LRRTM4: variants seen among roughly 807,000 people sequenced by gnomAD.
LRRTM4 encodes the protein leucine rich repeat transmembrane neuronal 4.
Under a neutral mutation model 47.6 loss-of-function variants are expected in LRRTM4, and 25 were observed. The ratio of observed to expected loss-of-function variants is 0.53; its 90% CI spans 0.38 to 0.73. LRRTM4 has a LOEUF of 0.73. LRRTM4 is among the 30% of genes least tolerant of loss of function. The pLI is 0.00. For synonymous variants in LRRTM4, 311 were observed against 269.5 expected, an observed-to-expected ratio of 1.15 and a Z score of -1.51; for missense variants, 638 against 713.4, an observed-to-expected ratio of 0.89 and a Z score of 1.20.
intron 3 of LRRTM4, among the ~76,000 whole-genome samples, chr2:76,900,215 C>A (rs938996335): frequency 1.3e-5 from 2 of 152,020 alleles, no homozygotes; most frequent in African/African-American, 4.8e-5. Flanking sequence ...GTCTAGGTGA[C>A]AGAGCAAGAC....
intron 3 of LRRTM4, among the ~76,000 whole-genome samples, chr2:76,844,711 T>A (rs1671789334): frequency 6.6e-6 from 1 of 152,178 alleles, no homozygotes. Flanking sequence ...TGTCTGTTAA[T>A]CCCCTCTTCT....
rs187078192 is a variant in LRRTM4, at chr2:76,774,004, A to G, written c.1552-25088T>C. 6.9e-3 allele frequency among the ~76,000 whole-genome samples: 1,046 copies of G among 152,230 alleles called. 14 individuals carry two copies. Among genetic ancestry groups the G allele is most frequent in the African/African-American group, 0.024 (1,014 of 41,540 alleles). On this transcript the variant is annotated intron_variant, in intron 3 of 3. Transcript: ENST00000409884. The stretch of plus-strand genomic sequence containing the variant: ...TAGCGGATCTTTGAACAATGTGCGG[A>G]TGAAAGACACCACAGTCAAAATCCA...
At chr2:77,140,558 G>GCCT (rs768066140) in intron 3 of LRRTM4, among the ~76,000 whole-genome samples, 51,904 of 150,266 alleles carry the variant, frequency 0.35, 9,275 homozygotes, top group African/African-American at 0.51. Context: ...TCAGGACATA[G>GCCT]GCATGGGCAA....
chr2:76,861,689 A>G (rs1672317157), intron 3 of LRRTM4, among the ~76,000 whole-genome samples: 1 of 152,180 alleles, frequency 6.6e-6, no homozygotes, highest in Non-Finnish European at 1.5e-5. Context: ...TTTTCTTTTT[A>G]GGAATCTTAA....
At chr2:77,077,698 G>A (rs953136080) in intron 3 of LRRTM4, among the ~76,000 whole-genome samples, 3 of 152,072 alleles carry the variant, frequency 2.0e-5, no homozygotes, top group Non-Finnish European at 4.4e-5. Context: ...TGGAGAATGG[G>A]AATAACTAGC....
chr2:77,175,693 T>G (rs1380831133), intron 3 of LRRTM4, among the ~76,000 whole-genome samples: 1 of 152,134 alleles, frequency 6.6e-6, no homozygotes, highest in African/African-American at 2.4e-5. Context: ...CTTTGCAGCC[T>G]CCACCATCAT....
chr2:77,444,519 G>T (rs1431128551), intron 3 of LRRTM4, among the ~76,000 whole-genome samples: 1 of 152,026 alleles, frequency 6.6e-6, no homozygotes, highest in African/African-American at 2.4e-5. Flanking sequence ...GATAGAAGAA[G>T]ATATGGTAGA....
At chr2:77,080,911 T>C (rs1680508997) in intron 3 of LRRTM4, among the ~76,000 whole-genome samples, 1 of 152,116 alleles carries the variant, frequency 6.6e-6, no homozygotes, top group Non-Finnish European at 1.5e-5. Context: ...CAGGAAACAC[T>C]CTCCAGCTTC....
At chr2:77,238,014 T>C (rs1310099775) in intron 3 of LRRTM4, among the ~76,000 whole-genome samples, 1 of 151,930 alleles carries the variant, frequency 6.6e-6, no homozygotes, top group Non-Finnish European at 1.5e-5. Context: ...TGAAGACAGG[T>C]AGGTCAAAAG....
intron 3 of LRRTM4, among the ~76,000 whole-genome samples, chr2:77,175,074 C>CTTTTTTTTTTTTTTTT (rs34057321): frequency 7.2e-6 from 1 of 138,398 alleles, no homozygotes; most frequent in Admixed American, 7.3e-5. Context: ...TTTCTTTTTT[C>CTTTTTTTTTTTTTTTT]TTTTTTTTTT....
At chr2:77,326,117 C>A (rs193123129) in intron 3 of LRRTM4, among the ~76,000 whole-genome samples, 1 of 152,298 alleles carries the variant, frequency 6.6e-6, no homozygotes, top group African/African-American at 2.4e-5. Context: ...TTCCAACAAA[C>A]AGATCTTACT....
intron 3 of LRRTM4, among the ~76,000 whole-genome samples, chr2:76,911,921 T>C (rs1388678603): frequency 8.8e-6 from 1 of 113,974 alleles, no homozygotes; most frequent in East Asian, 2.9e-4. Flanking sequence ...GAGTGAGTTG[T>C]GGTATGTGCT....
chr2:76,857,228 A>C (rs1033905878), intron 3 of LRRTM4, among the ~76,000 whole-genome samples: 1 of 150,750 alleles, frequency 6.6e-6, no homozygotes, highest in African/African-American at 2.4e-5. Flanking sequence ...ATGGATAATA[A>C]AGATATTTTC....
At chr2:76,850,087 C>A (rs1367682796) in intron 3 of LRRTM4, among the ~76,000 whole-genome samples, 1 of 152,056 alleles carries the variant, frequency 6.6e-6, no homozygotes, top group Non-Finnish European at 1.5e-5. Flanking sequence ...CCATTTTAGA[C>A]CTTTCTCAAA....
chr2:77,115,588 T>C (rs116791898), intron 3 of LRRTM4, among the ~76,000 whole-genome samples: 3,100 of 152,288 alleles, frequency 0.02, 105 homozygotes, highest in African/African-American at 0.063. Context: ...TCGGGGTCCC[T>C]GACTTCCCTC....
chr2:77,126,051 G>T (rs948997765), intron 3 of LRRTM4, among the ~76,000 whole-genome samples: 2 of 151,586 alleles, frequency 1.3e-5, no homozygotes, highest in African/African-American at 4.8e-5. Flanking sequence ...TAGGGTAGAA[G>T]TGAAATAAAT....
At chr2:77,249,891 A>G (rs1675555991) in intron 3 of LRRTM4, among the ~76,000 whole-genome samples, 1 of 152,256 alleles carries the variant, frequency 6.6e-6, no homozygotes, top group Non-Finnish European at 1.5e-5. Context: ...AGGTTTATTC[A>G]TAATTGCCAA....
At chr2:77,441,917 T>A (rs1349061834) in intron 3 of LRRTM4, among the ~76,000 whole-genome samples, 1 of 152,186 alleles carries the variant, frequency 6.6e-6, no homozygotes, top group Non-Finnish European at 1.5e-5. Flanking sequence ...TCTTTTGAAT[T>A]TTCTGCCAAA....
intron 3 of LRRTM4, among the ~76,000 whole-genome samples, chr2:77,392,323 G>A (rs973377609): frequency 2.0e-5 from 3 of 151,206 alleles, no homozygotes; most frequent in African/African-American, 7.3e-5. Context: ...CCACTAAAAT[G>A]TACAAAACTA....
Sources: gnomAD v4.1 joint callset for allele counts (sites outside exome capture counted in the v4.1 genomes callset) on GRCh38, gnomAD v4.1.1 for gene constraint, MANE v1.5 for transcripts, NCBI Gene and HGNC (gene_info 2026-07-23, HGNC 2026-07-21) for gene names.